The following LRMDA variants were observed in gnomAD, a reference collection of about 807,000 sequenced individuals.
LRMDA encodes the protein leucine rich melanocyte differentiation associated, also known as leucine-rich melanocyte differentiation-associated protein.
Under a neutral mutation model 29.8 loss-of-function variants are expected in LRMDA, and 18 were observed. That is an observed-to-expected ratio of 0.60 (90% CI 0.42 to 0.90). The LOEUF is 0.90. Ranked by LOEUF, LRMDA falls within the 40% of genes least tolerant of loss-of-function variation. The pLI, the probability that LRMDA is intolerant of heterozygous loss-of-function variation, is 0.00. For synonymous variants in LRMDA, 125 were observed against 109.4 expected (o/e 1.14, Z -0.89); for missense variants, 273 against 273.9 (o/e 1.00, Z 0.02).
intron 6 of LRMDA, among the ~76,000 whole-genome samples, chr10:76,553,664 G>A (rs2037919184): frequency 6.6e-6 from 1 of 152,136 alleles, no homozygotes; most frequent in South Asian, 2.1e-4. Context: ...GCTTTTCCTG[G>A]TTAATTTTAT....
chr10:75,571,226 T>C (rs1021526163), intron 2 of LRMDA, among the ~76,000 whole-genome samples: 1 of 152,204 alleles, frequency 6.6e-6, no homozygotes. Flanking sequence ...AATTAACATG[T>C]GTGTGGCTCA....
At chr10:76,226,811 C>T (rs1451118805) in intron 5 of LRMDA, among the ~76,000 whole-genome samples, 1 of 152,140 alleles carries the variant, frequency 6.6e-6, no homozygotes, top group East Asian at 1.9e-4. Context: ...TCACCAGATT[C>T]AGATGTTGTG....
intron 3 of LRMDA, among the ~76,000 whole-genome samples, chr10:76,046,695 G>A (rs1356880999): frequency 6.6e-6 from 1 of 152,120 alleles, no homozygotes; most frequent in Non-Finnish European, 1.5e-5. Flanking sequence ...TGTTGGCCAG[G>A]CTGGTCTCAA....
At chr10:75,905,534 TG>T (rs1472472486) in intron 2 of LRMDA, among the ~76,000 whole-genome samples, 2 of 151,910 alleles carry the variant, frequency 1.3e-5, no homozygotes, top group Non-Finnish European at 2.9e-5. Context: ...AATTATCACA[TG>T]TATACCAAAA....
At chr10:75,844,168 T>A (rs895998904) in intron 2 of LRMDA, among the ~76,000 whole-genome samples, 1 of 152,162 alleles carries the variant, frequency 6.6e-6, no homozygotes. Flanking sequence ...AATTTTGACA[T>A]TAGAAATATA....
rs528909722 is a variant in LRMDA at position 76,239,807 on chromosome 10, T to TATGGTGCTGTA, written c.517-84594_517-84593insATGGTGCTGTA. Among the ~76,000 whole-genome samples the TATGGTGCTGTA allele has an allele frequency of 1.1e-4, 17 of 152,184 alleles. No individual in the cohort carries two copies. In the East Asian group the frequency reaches 3.3e-3, roughly 29 times the overall value. On this transcript the variant is annotated intron_variant, in intron 5 of 6. Transcript: ENST00000611255. ...TGTATATGGTGCTGTATACTTCCTA[T>TATGGTGCTGTA]TGCATTACCTCCTGAGATGCATAAT...
At chr10:75,797,409 C>A (rs1843671364) in intron 2 of LRMDA, among the ~76,000 whole-genome samples, 1 of 152,050 alleles carries the variant, frequency 6.6e-6, no homozygotes, top group Admixed American at 6.5e-5. Context: ...GTACAATTTG[C>A]ATTACATAAA....
intron 2 of LRMDA, among the ~76,000 whole-genome samples, chr10:75,739,107 G>A (rs548186619): frequency 5.9e-5 from 9 of 152,334 alleles, no homozygotes; most frequent in Middle Eastern, 3.4e-3. Flanking sequence ...TGGCTGACAT[G>A]TTCTGTGTTT....
At chr10:75,730,682 C>T (rs1842686104) in intron 2 of LRMDA, among the ~76,000 whole-genome samples, 1 of 152,146 alleles carries the variant, frequency 6.6e-6, no homozygotes, top group Admixed American at 6.6e-5. Context: ...TTCCCCACAC[C>T]CTGGGCTTTT....
rs1382119063 is a variant in LRMDA at position 75,835,535 on chromosome 10, C to T, written c.132-200473C>T. On this transcript the variant is annotated intron_variant, in intron 2 of 6. Transcript: ENST00000611255. ...CATATTTGGGGTGGTGTTATGTAGC[C>T]TACCATATCGCTATTATTTCAGTTC... is the stretch of plus-strand genomic sequence containing the variant. Among the ~76,000 whole-genome samples the T allele has an allele frequency of 3.3e-5, 5 of 152,258 alleles. No homozygotes were observed. In the East Asian group the frequency reaches 7.7e-4, roughly 24 times the overall value.
intron 5 of LRMDA, among the ~76,000 whole-genome samples, chr10:76,116,877 G>A (rs1365762718): frequency 6.6e-6 from 1 of 152,042 alleles, no homozygotes; most frequent in African/African-American, 2.4e-5. Flanking sequence ...GTCATTCCCG[G>A]GCTCTAATGG....
chr10:76,147,907 T>C (rs909633216), intron 5 of LRMDA, among the ~76,000 whole-genome samples: 1 of 152,246 alleles, frequency 6.6e-6, no homozygotes, highest in African/African-American at 2.4e-5. Flanking sequence ...TCTAACAGAC[T>C]GGACCCTCAG....
At chr10:75,677,440 T>G (rs1841974332) in intron 2 of LRMDA, among the ~76,000 whole-genome samples, 1 of 152,116 alleles carries the variant, frequency 6.6e-6, no homozygotes, top group East Asian at 1.9e-4. Context: ...AAAAGACCAT[T>G]CATTTTTAAT....
chr10:76,266,293 AT>A (rs776236855), intron 5 of LRMDA, among the ~76,000 whole-genome samples: 18 of 152,130 alleles, frequency 1.2e-4, no homozygotes, highest in Non-Finnish European at 2.5e-4. Flanking sequence ...TCATCCTATA[AT>A]GTTAGAATCT....
At chr10:76,041,195 A>C (rs968846550) in intron 3 of LRMDA, among the ~76,000 whole-genome samples, 4 of 152,226 alleles carry the variant, frequency 2.6e-5, no homozygotes, top group African/African-American at 9.6e-5. Context: ...TCGATGCGTC[A>C]AAAGAAGTAG....
chr10:76,556,794 C>T (rs1238231431), intron 6 of LRMDA, among the ~76,000 whole-genome samples: 4 of 152,148 alleles, frequency 2.6e-5, no homozygotes, highest in Admixed American at 1.3e-4. Context: ...AAAATAGTCA[C>T]ATTCTGGGAA....
intron 6 of LRMDA, among the ~76,000 whole-genome samples, chr10:76,399,493 A>G (rs1841825180): frequency 6.6e-6 from 1 of 152,220 alleles, no homozygotes; most frequent in Non-Finnish European, 1.5e-5. Flanking sequence ...CATTTTCTTT[A>G]TCCAATCACA....
At chr10:75,824,396 G>A (rs1844215125) in intron 2 of LRMDA, among the ~76,000 whole-genome samples, 1 of 152,174 alleles carries the variant, frequency 6.6e-6, no homozygotes, top group Non-Finnish European at 1.5e-5. Flanking sequence ...TGCACATGCT[G>A]TGACTGCTTT....
chr10:76,186,166 AGTTT>A (rs1260362175), intron 5 of LRMDA, among the ~76,000 whole-genome samples: 1 of 152,072 alleles, frequency 6.6e-6, no homozygotes, highest in African/African-American at 2.4e-5. Context: ...GATCTTGGAC[AGTTT>A]GTTTATTTTT....
Sources: gnomAD v4.1 joint callset for allele counts (sites outside exome capture counted in the v4.1 genomes callset) on GRCh38, gnomAD v4.1.1 for gene constraint, MANE v1.5 for transcripts, NCBI Gene and HGNC (gene_info 2026-07-23, HGNC 2026-07-21) for gene names.